The following ASXL1 variants were observed in gnomAD, a reference collection of about 807,000 sequenced individuals.
ASXL1 encodes ASXL transcriptional regulator 1, also known as polycomb group protein ASXL1.
In ASXL1, 65 loss-of-function variants were observed where a neutral mutation model predicts 89.1. The ratio of observed to expected loss-of-function variants is 0.73; its 90% CI spans 0.60 to 0.90. The LOEUF is 0.90. Ranked by LOEUF, ASXL1 falls within the 40% of genes least tolerant of loss-of-function variation. The pLI, the probability that ASXL1 is intolerant of heterozygous loss-of-function variation, is 0.00. For synonymous variants in ASXL1, 739 were observed against 746.9 expected (o/e 0.99, Z 0.17); for missense variants, 1,786 against 1,942.9 (o/e 0.92, Z 1.52).
intron 4 of ASXL1, among the ~76,000 whole-genome samples, chr20:32,422,776 G>A (rs1010378933): frequency 7.9e-5 from 12 of 151,208 alleles, no homozygotes; most frequent in South Asian, 2.1e-4. Context: ...TAGTAGAGAC[G>A]GGGTTTCACC....
At chr20:32,370,221 T>C (rs1052226342) in intron 4 of ASXL1, among the ~76,000 whole-genome samples, 4 of 152,162 alleles carry the variant, frequency 2.6e-5, no homozygotes, top group African/African-American at 9.7e-5. Flanking sequence ...ATGAACAGGC[T>C]AATTATTTTT....
chr20:32,417,713 TGTGTA>T (rs1179227470), intron 4 of ASXL1, among the ~76,000 whole-genome samples: 1 of 152,146 alleles, frequency 6.6e-6, no homozygotes, highest in Non-Finnish European at 1.5e-5. Context: ...TTAATAGGTA[TGTGTA>T]GGTTTAAAAA....
intron 1 of ASXL1, among the ~76,000 whole-genome samples, chr20:32,363,134 A>G (rs936510635): frequency 7.2e-5 from 11 of 152,250 alleles, no homozygotes; most frequent in African/African-American, 2.7e-4. Context: ...CAGTTTTAAT[A>G]AAAAAGAATA....
intron 4 of ASXL1, among the ~76,000 whole-genome samples, chr20:32,411,558 A>T (rs78180682): frequency 0.05 from 2,624 of 52,442 alleles, 121 homozygotes; most frequent in East Asian, 0.14. Context: ...TTTTTTTTTT[A>T]AAATATGAAG....
chr20:32,435,479 G>C lies in ASXL1; in HGVS notation c.2767G>C (p.Glu923Gln). 6.2e-7 allele frequency: 1 copy of C among 1,614,076 alleles called. No individual in the cohort carries two copies. The highest frequency in any genetic ancestry group is 8.5e-7 in the Non-Finnish European group (1 of 1,180,032). Reference sequence around the variant, plus strand: ...ATCCAGAGAACACATACCATCTGTTGAGCCCCAGGTTGGAGAGGAGTGGGA... The same window carrying C: ...ATCCAGAGAACACATACCATCTGTTCAGCCCCAGGTTGGAGAGGAGTGGGA... ...PESREHIPSVEPQVGEEWEKA... is the reference protein window; with the variant it reads ...PESREHIPSVQPQVGEEWEKA... The change falls in exon 13 of 13, where the codon GAG becomes CAG. Residue 923 changes from glutamate to glutamine, a missense_variant. By Grantham distance (29) the Glu-to-Gln change is conservative. Around this residue, in one of 3 missense-constraint regions of ASXL1, gnomAD observed 1,418 missense variants for 1,427.8 expected, o/e 0.99. Transcript: ENST00000375687.
intron 4 of ASXL1, among the ~76,000 whole-genome samples, chr20:32,369,985 C>T (rs1311726126): frequency 6.6e-6 from 1 of 152,058 alleles, no homozygotes; most frequent in Non-Finnish European, 1.5e-5. Context: ...TCCCAAAGTG[C>T]TGGGATTACA....
chr20:32,364,382 GT>G (rs1055784433), intron 1 of ASXL1, among the ~76,000 whole-genome samples: 2 of 149,096 alleles, frequency 1.3e-5, no homozygotes, highest in African/African-American at 5.1e-5. Flanking sequence ...TGCCCATCTA[GT>G]TTTTTGTATT....
chr20:32,385,707 G>T, intron 4 of ASXL1, among the ~76,000 whole-genome samples: 1 of 151,872 alleles, frequency 6.6e-6, no homozygotes, highest in East Asian at 1.9e-4. Context: ...GCTTCTGCCT[G>T]GTCTACTTAC....
intron 4 of ASXL1, among the ~76,000 whole-genome samples, chr20:32,407,866 CCTAT>C (rs2048981642): frequency 6.6e-6 from 1 of 152,248 alleles, no homozygotes; most frequent in South Asian, 2.1e-4. Context: ...GGAACTTTTG[CCTAT>C]CTATTAATAG....
At chr20:32,401,387 T>C (rs572369366) in intron 4 of ASXL1, among the ~76,000 whole-genome samples, 1 of 152,286 alleles carries the variant, frequency 6.6e-6, no homozygotes, top group Admixed American at 6.5e-5. Flanking sequence ...AGCTACCAGT[T>C]GTCTGAATTT....
At chr20:32,360,096 G>T in intron 1 of ASXL1, 1 of 385,648 alleles carries the variant, frequency 2.6e-6, no homozygotes, top group Non-Finnish European at 4.8e-6. Context: ...TGTATTGGGG[G>T]GGTTGACACA....
chr20:32,367,634 G>A (rs1022939876), intron 2 of ASXL1, 93 bp from the exon 3 acceptor site: 5 of 773,660 alleles, frequency 6.5e-6, no homozygotes, highest in African/African-American at 1.7e-5. Flanking sequence ...CTTATCCACT[G>A]TGTAGTGTTA....
intron 4 of ASXL1, among the ~76,000 whole-genome samples, chr20:32,416,110 GGGTACAGGTGA>G (rs1456620231): frequency 6.6e-6 from 1 of 151,984 alleles, no homozygotes; most frequent in Non-Finnish European, 1.5e-5. Context: ...TGTATTTTGG[GGGTACAGGTGA>G]TATTTTGATA....
At chr20:32,372,044 TACCTTA>T in intron 4 of ASXL1, 1 of 1,242,330 alleles carries the variant, frequency 8.0e-7, no homozygotes, top group South Asian at 1.3e-5. Context: ...TTTCTATGAG[TACCTTA>T]AGGGCAGGAA....
intron 4 of ASXL1, among the ~76,000 whole-genome samples, chr20:32,382,777 C>G (rs887065005): frequency 6.6e-6 from 1 of 151,944 alleles, no homozygotes. Context: ...CAGAGTAAGA[C>G]CCTGTCTCAA....
intron 4 of ASXL1, among the ~76,000 whole-genome samples, chr20:32,391,550 T>C (rs2048670729): frequency 6.6e-6 from 1 of 152,270 alleles, no homozygotes; most frequent in East Asian, 1.9e-4. Context: ...AATGGCAAGA[T>C]TATATTATAG....
At chr20:32,376,574 C>A (rs1426583176) in intron 4 of ASXL1, among the ~76,000 whole-genome samples, 2 of 152,008 alleles carry the variant, frequency 1.3e-5, no homozygotes, top group African/African-American at 2.4e-5. Flanking sequence ...CCACACCCAG[C>A]TGACACCAGT....
At position 32,429,314 on chromosome 20, in the gene ASXL1, C is replaced by G; in HGVS notation, c.472-24C>G. ...TGGCTCTGCAGTTGACTTGGGCTCTCTTTTGTTCTCTCTTGGAACGCAGGC... is the reference window on the plus strand; with the variant it reads ...TGGCTCTGCAGTTGACTTGGGCTCTGTTTTGTTCTCTCTTGGAACGCAGGC... On this transcript the variant is annotated intron_variant, in intron 6 of 12. Coordinates refer to ENST00000375687, the MANE Select transcript of ASXL1 (RefSeq NM_015338.6). This position sits in a 1 kb window ranked among gnomAD's most constrained non-coding sequence, Gnocchi z 4.9. 2 of 1,612,056 alleles carry G rather than the reference C, an allele frequency of 1.2e-6. No homozygotes were observed. The highest frequency in any genetic ancestry group is 1.7e-6 in the Non-Finnish European group (2 of 1,178,548).
intron 4 of ASXL1, among the ~76,000 whole-genome samples, chr20:32,423,759 G>C (rs1011415815): frequency 2.0e-5 from 3 of 152,044 alleles, no homozygotes; most frequent in Admixed American, 1.3e-4. Flanking sequence ...ATGTTGGTCA[G>C]GCTGGTCTCG....
Sources: gnomAD v4.1 joint callset for allele counts (sites outside exome capture counted in the v4.1 genomes callset) on GRCh38, gnomAD v4.1.1 for gene constraint, gnomAD v4.1.1 regional missense constraint, Gnocchi (gnomAD v3.1) non-coding constraint, MANE v1.5 for transcripts, NCBI Gene and HGNC (gene_info 2026-07-23, HGNC 2026-07-21) for gene names.